The following UBE2W variants were observed in gnomAD, a reference collection of about 807,000 sequenced individuals.
The protein encoded by UBE2W is ubiquitin conjugating enzyme E2 W.
Under a neutral mutation model 27.2 loss-of-function variants are expected in UBE2W, and 18 were observed. The observed-to-expected ratio is 0.66, with a 90% CI of 0.46 to 0.98. The LOEUF is 0.98. Among genes scored for constraint, UBE2W ranks in the 50% least tolerant of loss-of-function variants. The probability of loss-of-function intolerance (pLI) is 0.00; values close to 1 mark genes in which losing one functional copy is unlikely to be tolerated. For synonymous variants in UBE2W, 53 were observed against 57.2 expected (o/e 0.93, Z 0.33); for missense variants, 90 against 180.2 (o/e 0.50, Z 2.87).
intron 1 of UBE2W, among the ~76,000 whole-genome samples, chr8:73,844,282 G>C (rs1320366879): frequency 6.6e-6 from 1 of 151,004 alleles, no homozygotes; most frequent in African/African-American, 2.4e-5. Context: ...CCAGTGCCTG[G>C]GATTGCAGGC....
At chr8:73,878,403 G>A (rs571309972) in intron 1 of UBE2W, among the ~76,000 whole-genome samples, 1 of 152,258 alleles carries the variant, frequency 6.6e-6, no homozygotes, top group Admixed American at 6.5e-5. Context: ...CCCCTGCCCC[G>A]GCAACAACCG....
chr8:73,849,199 A>C (rs1810958705), intron 1 of UBE2W, among the ~76,000 whole-genome samples: 1 of 152,188 alleles, frequency 6.6e-6, no homozygotes, highest in African/African-American at 2.4e-5. Context: ...GTGCAAAAAA[A>C]CAGCTACAGT....
chr8:73,825,735 A>C (rs146516988), intron 2 of UBE2W, among the ~76,000 whole-genome samples: 2,875 of 152,280 alleles, frequency 0.019, 26 homozygotes, highest in Non-Finnish European at 0.028. Flanking sequence ...CGGGAGGCAG[A>C]GGTTGCAGTG....
chr8:73,846,429 G>C (rs751797123), intron 1 of UBE2W, among the ~76,000 whole-genome samples: 2 of 151,926 alleles, frequency 1.3e-5, no homozygotes, highest in African/African-American at 4.8e-5. Context: ...AACTCTTTGG[G>C]GCAGATGTTT....
rs1808138627 is a variant in UBE2W at position 73,790,313 on chromosome 8, G to C, written c.*3789C>G. ...GGACAGATTTAAAACAATTTAAAAAGGACTACAAAGAGGATTGGGGCCAGT... is the reference window on the plus strand; with the variant it reads ...GGACAGATTTAAAACAATTTAAAAACGACTACAAAGAGGATTGGGGCCAGT... On this transcript the variant is annotated 3_prime_UTR_variant, in exon 6 of 6. Coordinates refer to ENST00000602593, the MANE Select transcript of UBE2W (RefSeq NM_018299.6). The C allele has an allele frequency of 4.4e-5, 43 of 985,354 alleles. No individual in the cohort carries two copies. The highest frequency in any genetic ancestry group is 5.2e-5 in the Non-Finnish European group (43 of 829,910). 61.0% of individuals were successfully genotyped at this position (985,354 alleles called of 1,614,324 possible).
In UBE2W at chr8:73,843,453, C is replaced by A. The variant is rs991502634; in HGVS notation, c.16-12981G>T. The stretch of plus-strand genomic sequence containing the variant: ...TATAATACCAACCTGGGCCACACAG[C>A]GAGACCACATCTCTACAAAAAAATA... On this transcript the variant is annotated intron_variant, in intron 1 of 5. Transcript: ENST00000602593. 2.0e-5 allele frequency among the ~76,000 whole-genome samples: 3 copies of A among 151,946 alleles called. No individual in the cohort carries two copies. The South Asian group carries it at 6.2e-4, about 32-fold the overall frequency.
chr8:73,787,695 C>T lies in UBE2W; in HGVS notation c.*6407G>A, dbSNP rs936462405. The T allele has an allele frequency of 1.5e-5, 15 of 985,302 alleles. No homozygotes were observed. The highest frequency in any genetic ancestry group is 6.2e-5 in the Admixed American group (1 of 16,254). 61.0% of individuals were successfully genotyped at this position (985,302 alleles called of 1,614,324 possible). A position where few individuals can be genotyped will look rare whatever the true frequency, so the allele number is the denominator to read the frequency against. ...TTCTTGTGGTTATTTCTTTCCTCTTCTTGCAGCTTCAAGAGTCACTCATTT... is the reference window on the plus strand; with the variant it reads ...TTCTTGTGGTTATTTCTTTCCTCTTTTTGCAGCTTCAAGAGTCACTCATTT... On this transcript the variant is annotated 3_prime_UTR_variant, in exon 6 of 6. Coordinates refer to ENST00000602593, the MANE Select transcript of UBE2W (RefSeq NM_018299.6).
At chr8:73,849,993 T>C (rs1463276930) in intron 1 of UBE2W, among the ~76,000 whole-genome samples, 5 of 152,114 alleles carry the variant, frequency 3.3e-5, no homozygotes, top group Admixed American at 6.6e-5. Flanking sequence ...AACCTCAAAA[T>C]AGATAAGCAA....
Position 73,786,590 on chromosome 8 carries a change from T to G in UBE2W, c.*7512A>C, listed in dbSNP as rs908234881. The G allele has an allele frequency of 1.2e-5, 12 of 985,142 alleles. No individual in the cohort carries two copies. Among genetic ancestry groups the G allele is most frequent in the Non-Finnish European group, 1.4e-5 (12 of 829,890 alleles). The allele number at this position is 985,142 out of a possible 1,614,324, so 61.0% of individuals were successfully genotyped here. A position where few individuals can be genotyped will look rare whatever the true frequency, so the allele number is the denominator to read the frequency against. On this transcript the variant is annotated 3_prime_UTR_variant, in exon 6 of 6. Coordinates refer to ENST00000602593, the MANE Select transcript of UBE2W (RefSeq NM_018299.6). The stretch of plus-strand genomic sequence containing the variant: ...CTACCTTTGAACTAGACCTTTCAGG[T>G]AGAAACGCAGATCATGAACATTCTA...
chr8:73,803,555 C>T (rs1808734930), intron 5 of UBE2W, among the ~76,000 whole-genome samples: 1 of 152,102 alleles, frequency 6.6e-6, no homozygotes. Context: ...AAACACCTAT[C>T]TCCCTTCCCA....
At position 73,787,111 on chromosome 8, in the gene UBE2W, C is replaced by T; in HGVS notation, c.*6991G>A. ...ACTGTAAAGGGCGTAGGGATTCCCA[C>T]TTATGTATTTTGCATTATGCAGGCA... On this transcript the variant is annotated 3_prime_UTR_variant, in exon 6 of 6. Transcript: ENST00000602593. The T allele has an allele frequency of 3.0e-6, 3 of 985,416 alleles. No individual in the cohort carries two copies. The highest frequency in any genetic ancestry group is 3.6e-6 in the Non-Finnish European group (3 of 829,922). The allele number at this position is 985,416 out of a possible 1,614,324, so 61.0% of individuals were successfully genotyped here. A position where few individuals can be genotyped will look rare whatever the true frequency, so the allele number is the denominator to read the frequency against.
rs143914157 is a variant in UBE2W, at chr8:73,822,107, T to G, written c.210+3040A>C. 7.4e-3 allele frequency among the ~76,000 whole-genome samples: 1,131 copies of G among 152,238 alleles called. 17 individuals are homozygous for G. The highest frequency in any genetic ancestry group is 0.026 in the African/African-American group (1,069 of 41,516). ...ATGACTAAAATCTACCACAGACCCCTGGACCGGCCTGCTAGCCCATGCTCC... is the reference window on the plus strand; with the variant it reads ...ATGACTAAAATCTACCACAGACCCCGGGACCGGCCTGCTAGCCCATGCTCC... On this transcript the variant is annotated intron_variant, in intron 3 of 5. Coordinates refer to ENST00000602593, the MANE Select transcript of UBE2W (RefSeq NM_018299.6).
chr8:73,853,355 CAT>C (rs1486825639), intron 1 of UBE2W, among the ~76,000 whole-genome samples: 1 of 152,202 alleles, frequency 6.6e-6, no homozygotes, highest in Non-Finnish European at 1.5e-5. Flanking sequence ...GTGGTACAAT[CAT>C]AGCTCCCTGC....
chr8:73,842,421 C>T (rs549373671), intron 1 of UBE2W, among the ~76,000 whole-genome samples: 8 of 145,132 alleles, frequency 5.5e-5, no homozygotes, highest in East Asian at 2.1e-4. Flanking sequence ...CCCAGCTATT[C>T]GGGAGGCTGA....
In UBE2W at chr8:73,850,737, A is replaced by C. The variant is rs1022641616; in HGVS notation, c.16-20265T>G. Reference sequence around the variant, plus strand: ...ATCAGCAGGACATTAAAAAAAAAAAAAAAAAAAAAAAAACAGGACACAGAA... The same window carrying C: ...ATCAGCAGGACATTAAAAAAAAAAACAAAAAAAAAAAAACAGGACACAGAA... On this transcript the variant is annotated intron_variant, in intron 1 of 5. Transcript: ENST00000602593. Among the ~76,000 whole-genome samples the C allele has an allele frequency of 4.8e-4, 73 of 150,678 alleles. 1 individual carries two copies. The highest frequency in any genetic ancestry group is 1.7e-3 in the African/African-American group (72 of 41,172).
At chr8:73,857,942 C>T (rs188831914) in intron 1 of UBE2W, among the ~76,000 whole-genome samples, 2 of 152,148 alleles carry the variant, frequency 1.3e-5, no homozygotes, top group Admixed American at 1.3e-4. Context: ...TACCTTTAAG[C>T]GGCTGGGCAT....
intron 3 of UBE2W, 142 bp downstream of exon 3, chr8:73,825,005 T>C (rs1809776726): frequency 3.4e-6 from 2 of 589,498 alleles, no homozygotes; most frequent in African/African-American, 3.7e-5. Flanking sequence ...GTTCATATCT[T>C]GATTATATGA....
In UBE2W at chr8:73,786,848, T is replaced by C. The variant is rs913246550; in HGVS notation, c.*7254A>G. ...TACTGAGTATCATTGCTTGATTAAGTTGGATGGGAATGTCATTAAATTATA... is the reference window on the plus strand; with the variant it reads ...TACTGAGTATCATTGCTTGATTAAGCTGGATGGGAATGTCATTAAATTATA... On this transcript the variant is annotated 3_prime_UTR_variant, in exon 6 of 6. Coordinates refer to ENST00000602593, the MANE Select transcript of UBE2W (RefSeq NM_018299.6). The C allele has an allele frequency of 1.0e-6, 1 of 985,290 alleles. No homozygotes were observed. The allele number at this position is 985,290 out of a possible 1,614,324, so 61.0% of individuals were successfully genotyped here.
At chr8:73,831,394 A>G (rs1586491246) in intron 1 of UBE2W, 1 of 165,846 alleles carries the variant, frequency 6.0e-6, no homozygotes, top group Non-Finnish European at 1.3e-5. Flanking sequence ...CACAAGTCAA[A>G]AAGAATATAT....
Sources: allele counts gnomAD v4.1 joint callset (sites outside exome capture counted in the v4.1 genomes callset), GRCh38; gene constraint gnomAD v4.1.1; transcripts MANE v1.5; gene names NCBI Gene and HGNC (gene_info 2026-07-23, HGNC 2026-07-21).